DOCK9: variants seen among roughly 807,000 people sequenced by gnomAD.
The protein encoded by DOCK9 is dedicator of cytokinesis protein 9.
In DOCK9, 89 loss-of-function variants were observed where a neutral mutation model predicts 263.3. The ratio of observed to expected loss-of-function variants is 0.34; its 90% CI spans 0.28 to 0.40. DOCK9 has a LOEUF of 0.40. DOCK9 is among the 10% of genes least tolerant of loss of function. DOCK9 has a pLI of 1.00. For missense variants in DOCK9, 2,140 were observed against 2,603.4 expected (o/e 0.82, Z 3.87); for synonymous variants, 976 against 973.1 (o/e 1.00, Z -0.06).
At chr13:98,935,042 C>G (rs1393540240) in intron 2 of DOCK9, among the ~76,000 whole-genome samples, 2 of 152,000 alleles carry the variant, frequency 1.3e-5, no homozygotes, top group African/African-American at 4.8e-5. Flanking sequence ...GAAAAGAGCA[C>G]AGAAGCACAG....
At chr13:99,079,586 C>T (rs1481115372) in intron 1 of DOCK9, among the ~76,000 whole-genome samples, 1 of 152,210 alleles carries the variant, frequency 6.6e-6, no homozygotes, top group Non-Finnish European at 1.5e-5. Flanking sequence ...TTTTAAAAAA[C>T]TCTGTAAGAT....
At chr13:98,796,078 A>C in intron 52 of DOCK9, 1 of 688,350 alleles carries the variant, frequency 1.5e-6, no homozygotes, top group Non-Finnish European at 2.5e-6. Flanking sequence ...TAAAATGTCC[A>C]GAAGAGGGTG....
chr13:98,922,177 C>A (rs2052134610), intron 5 of DOCK9, 31 bp from the exon 6 acceptor site: 1 of 1,516,754 alleles, frequency 6.6e-7, no homozygotes, highest in South Asian at 1.2e-5. Context: ...CAGCAGTCAA[C>A]CTCCCGTTAT....
At chr13:98,996,231 T>C (rs1397411583) in intron 1 of DOCK9, among the ~76,000 whole-genome samples, 1 of 152,192 alleles carries the variant, frequency 6.6e-6, no homozygotes, top group Non-Finnish European at 1.5e-5. Flanking sequence ...TGGCCAAGGA[T>C]GGAGCCCTCA....
rs189252264 is a variant in DOCK9, at chr13:98,995,894, G to A, written c.130-40343C>T. ...ATAGCATGTGCAAAGGCCCTGAAGC[G>A]CAGAATAGTTTGCCCTCTTTGAGCA... is the stretch of plus-strand genomic sequence containing the variant. On this transcript the variant is annotated intron_variant, in intron 1 of 32. Coordinates refer to the DOCK9 transcript ENST00000427887. 4.6e-4 allele frequency among the ~76,000 whole-genome samples: 70 copies of A among 152,254 alleles called. 1 individual carries two copies. Among genetic ancestry groups the A allele is most frequent in the Admixed American group, 3.9e-4 (6 of 15,302 alleles).
At chr13:98,800,539 T>G in intron 49 of DOCK9, 61 bp from the exon 50 acceptor site, 1 of 1,552,886 alleles carries the variant, frequency 6.4e-7, no homozygotes, top group Non-Finnish European at 8.8e-7. Flanking sequence ...GTTATTGAGC[T>G]GATTATTATT....
At chr13:99,033,697 G>A (rs777292235) in intron 1 of DOCK9, among the ~76,000 whole-genome samples, 3 of 152,240 alleles carry the variant, frequency 2.0e-5, no homozygotes, top group Middle Eastern at 3.4e-3. Flanking sequence ...AGGACACTGA[G>A]GCTTAAAGAC....
At chr13:98,896,104 G>T (rs2047384915) in intron 15 of DOCK9, among the ~76,000 whole-genome samples, 1 of 152,150 alleles carries the variant, frequency 6.6e-6, no homozygotes, top group Non-Finnish European at 1.5e-5. Flanking sequence ...TGCTGAACAG[G>T]CCAACCTTAG....
intron 1 of DOCK9, among the ~76,000 whole-genome samples, chr13:99,046,128 T>C (rs1362826872): frequency 1.3e-5 from 2 of 149,588 alleles, no homozygotes; most frequent in African/African-American, 2.4e-5. Flanking sequence ...AGCATCACTG[T>C]GTCTAGAATT....
chr13:98,849,897 T>C, intron 36 of DOCK9, 150 bp downstream of exon 36: 1 of 597,740 alleles, frequency 1.7e-6, no homozygotes, highest in Non-Finnish European at 3.0e-6. Flanking sequence ...TGAAAATATG[T>C]TTTAGGGCCA....
chr13:99,073,402 T>G (rs1163212365), intron 1 of DOCK9, among the ~76,000 whole-genome samples: 1 of 151,348 alleles, frequency 6.6e-6, no homozygotes, highest in East Asian at 1.9e-4. Context: ...CTCTCTCTCT[T>G]TCATGCTTCC....
chr13:98,892,585 T>C (rs2046786837), intron 15 of DOCK9, among the ~76,000 whole-genome samples: 1 of 152,160 alleles, frequency 6.6e-6, no homozygotes, highest in Admixed American at 6.6e-5. Context: ...AAGAAGAAAA[T>C]TCAATAAGCA....
intron 30 of DOCK9, 79 bp from the exon 31 acceptor site, chr13:98,863,627 A>C (rs561307732): frequency 2.0e-4 from 288 of 1,424,444 alleles, no homozygotes; most frequent in Middle Eastern, 1.3e-3. Context: ...AACAAACAAA[A>C]AAAACTAAGA....
intron 1 of DOCK9, among the ~76,000 whole-genome samples, chr13:98,966,172 C>T (rs1458024488): frequency 6.6e-6 from 1 of 152,242 alleles, no homozygotes; most frequent in Non-Finnish European, 1.5e-5. Context: ...AGGAGACTTC[C>T]TCCATGTCCT....
At chr13:98,923,498 C>A in intron 4 of DOCK9, 127 bp from the exon 5 acceptor site, 2 of 765,780 alleles carry the variant, frequency 2.6e-6, no homozygotes, top group Non-Finnish European at 2.2e-6. Context: ...TTTATTCAGA[C>A]AAAGAATAAA....
rs143546399 is a variant in DOCK9, at chr13:99,052,273, A to C, written c.129+33950T>G. Among the ~76,000 whole-genome samples, 46 of 152,148 alleles carry C rather than the reference A, an allele frequency of 3.0e-4. 1 individual carries two copies. The East Asian group carries it at 8.7e-3, about 29-fold the overall frequency. On this transcript the variant is annotated intron_variant, in intron 1 of 32. Coordinates refer to the DOCK9 transcript ENST00000427887. ...GTCAGCATCCTGTGCTTCCACAGAG[A>C]CCCTCACCCCTGGCCCACTACTCAC...
chr13:99,015,257 T>A (rs1448860894), intron 1 of DOCK9, among the ~76,000 whole-genome samples: 3 of 152,242 alleles, frequency 2.0e-5, no homozygotes, highest in African/African-American at 7.2e-5. Flanking sequence ...TTAGCTTTGA[T>A]GAATACATGG....
Position 98,986,391 on chromosome 13 carries a change from CT to C in DOCK9, c.130-30841del, listed in dbSNP as rs1878452740. Among the ~76,000 whole-genome samples, 7 of 152,348 alleles carry C rather than the reference CT, an allele frequency of 4.6e-5. 1 individual carries two copies. In the South Asian group the frequency reaches 1.5e-3, roughly 32 times the overall value. On this transcript the variant is annotated intron_variant, in intron 1 of 32. Coordinates refer to the DOCK9 transcript ENST00000427887. The stretch of plus-strand genomic sequence containing the variant: ...GACAGGCCGCCAGGCCAACTCTAGA[CT>C]CGTACTTCTGCAAAAAGGAACACAC...
At chr13:98,815,780 C>G (rs1375826993) in intron 45 of DOCK9, among the ~76,000 whole-genome samples, 1 of 152,122 alleles carries the variant, frequency 6.6e-6, no homozygotes, top group Non-Finnish European at 1.5e-5. Context: ...CGCGCCCGGC[C>G]GAGAAATGTA....
Sources: allele counts gnomAD v4.1 joint callset (sites outside exome capture counted in the v4.1 genomes callset), GRCh38; gene constraint gnomAD v4.1.1; transcripts MANE v1.5; gene names NCBI Gene and HGNC (gene_info 2026-07-23, HGNC 2026-07-21).